Variants in RIPOR1 observed in about 807,000 individuals in gnomAD.
RIPOR1 encodes the protein RHO family interacting cell polarization regulator 1.
Under a neutral mutation model 116.5 loss-of-function variants are expected in RIPOR1, and 58 were observed. The observed-to-expected ratio is 0.50, with a 90% CI of 0.40 to 0.62. The LOEUF (loss-of-function observed/expected upper bound fraction) is 0.62. Among genes scored for constraint, RIPOR1 ranks in the 20% least tolerant of loss-of-function variants. The pLI is 0.00. For synonymous variants in RIPOR1, 605 were observed against 650.0 expected (o/e 0.93, Z 1.05); for missense variants, 1,372 against 1,586.2 (o/e 0.86, Z 2.29).
chr16:67,528,738 C>A (rs919932518), upstream of RIPOR1: 17 of 104,912 alleles, frequency 1.6e-4, no homozygotes, highest in African/African-American at 7.3e-5. Flanking sequence ...TCTAGGGGTG[C>A]GGGAGCCGCG....
Position 67,540,135 on chromosome 16 carries a change from G to T in RIPOR1, c.497G>T (p.Gly166Val). Residue 166 changes from glycine (G) to valine (V), a missense_variant, in exon 7 of 22, where the codon GGG becomes GTG. Around this residue, in one of 3 missense-constraint regions of RIPOR1, gnomAD observed 202 missense variants for 295.9 expected, o/e 0.68. Coordinates refer to ENST00000042381, the MANE Select transcript of RIPOR1 (RefSeq NM_024519.4). The surrounding 1 kb of genome is among the most constrained non-coding windows in gnomAD (Gnocchi z 4.7). Reference protein sequence around the residue: ...AYNMVRAYTTGSPGSREARDS... With the variant: ...AYNMVRAYTTVSPGSREARDS... ...AACATGGTCCGTGCCTACACCACTGGGTCCCCGGGAAGCCGAGAGGCCCGG... is the reference window on the plus strand; with the variant it reads ...AACATGGTCCGTGCCTACACCACTGTGTCCCCGGGAAGCCGAGAGGCCCGG... The T allele has an allele frequency of 1.2e-6, 2 of 1,614,190 alleles. No individual in the cohort carries two copies. Among genetic ancestry groups the T allele is most frequent in the Non-Finnish European group, 1.7e-6 (2 of 1,180,030 alleles).
Position 67,537,904 on chromosome 16 carries a change from GCGGGCGACAAACC to G in RIPOR1, c.-23-517_-23-505del, listed in dbSNP as rs1176870854. 6.6e-6 allele frequency among the ~76,000 whole-genome samples: 1 copy of G among 151,852 alleles called. No individual in the cohort carries two copies. Among genetic ancestry groups the G allele is most frequent in the Non-Finnish European group, 1.5e-5 (1 of 67,922 alleles). On this transcript the variant is annotated intron_variant, in intron 1 of 21. Coordinates refer to ENST00000042381, the MANE Select transcript of RIPOR1 (RefSeq NM_024519.4). The surrounding 1 kb of genome is among the most constrained non-coding windows in gnomAD (Gnocchi z 4.6). ...AGCAGGTCACGCTGGCAGGCGGGGG[GCGGGCGACAAACC>G]CGCACCGGCTGGGCCTGTCGGGCAG...
rs2051016174 is a variant in RIPOR1 at position 67,542,434 on chromosome 16, G to A, written c.1648G>A (p.Gly550Ser). ...ELPGPTHTTT[G>S]STYSAITTTH... ...GCCAGGCCCCACTCACACCACTACA[G>A]GCTCTACCTATAGTGCCATTACCAC... is the stretch of plus-strand genomic sequence containing the variant. Residue 550 changes from glycine to serine, a missense_variant, in exon 13 of 22, where the codon GGC becomes AGC. Gly to Ser is a moderately conservative substitution (Grantham distance 56). Transcript: ENST00000042381. This position sits in a 1 kb window ranked among gnomAD's most constrained non-coding sequence, Gnocchi z 4.6. 1.2e-6 allele frequency: 2 copies of A among 1,613,620 alleles called. No individual in the cohort carries two copies. The highest frequency in any genetic ancestry group is 1.3e-5 in the African/African-American group (1 of 74,736).
Position 67,543,837 on chromosome 16 carries a change from C to G in RIPOR1, c.2600+368C>G, listed in dbSNP as rs2051079208. The stretch of plus-strand genomic sequence containing the variant: ...GCTCTCTCAGTGTCTCGCCGTGCAC[C>G]CTGGGACCCCAGCACTGCCCCACTC... On this transcript the variant is annotated intron_variant, in intron 14 of 21. Coordinates refer to ENST00000042381, the MANE Select transcript of RIPOR1 (RefSeq NM_024519.4). The surrounding 1 kb of genome is among the most constrained non-coding windows in gnomAD (Gnocchi z 4.7). 5.3e-6 allele frequency: 2 copies of G among 376,032 alleles called. No individual in the cohort carries two copies. The allele number at this position is 376,032 out of a possible 1,614,324, so 23.3% of individuals were successfully genotyped here. A position where few individuals can be genotyped will look rare whatever the true frequency, so the allele number is the denominator to read the frequency against.
chr16:67,539,931 G>A (rs1482997423), intron 6 of RIPOR1, 32 bp downstream of exon 6: 1 of 1,614,090 alleles, frequency 6.2e-7, no homozygotes, highest in Non-Finnish European at 8.5e-7. Flanking sequence ...AGAGTGGGGT[G>A]GGGGGTTGGA....
Position 67,530,334 on chromosome 16 carries a change from C to T in RIPOR1, c.-24+1420C>T, listed in dbSNP as rs1007816332. Reference sequence around the variant, plus strand: ...GCCGGCAGGAAGTGAGGCCACCCGACAGCCTCCGCCCGGTTCCGGGGTGGG... The same window carrying T: ...GCCGGCAGGAAGTGAGGCCACCCGATAGCCTCCGCCCGGTTCCGGGGTGGG... On this transcript the variant is annotated intron_variant, in intron 1 of 21. Coordinates refer to ENST00000042381, the MANE Select transcript of RIPOR1 (RefSeq NM_024519.4). The surrounding 1 kb of genome is among the most constrained non-coding windows in gnomAD (Gnocchi z 4.5). Among the ~76,000 whole-genome samples the T allele has an allele frequency of 6.6e-6, 1 of 152,224 alleles. No individual in the cohort carries two copies. Among genetic ancestry groups the T allele is most frequent in the African/African-American group, 2.4e-5 (1 of 41,464 alleles).
intron 1 of RIPOR1, among the ~76,000 whole-genome samples, chr16:67,534,056 G>GTGATCC: frequency 6.8e-6 from 1 of 147,774 alleles, no homozygotes; most frequent in East Asian, 2.0e-4. Context: ...CTTACTTCAG[G>GTGATCC]TGATCCACCT....
intron 4 of RIPOR1, 92 bp from the exon 5 acceptor site, chr16:67,539,636 G>A: frequency 2.1e-6 from 3 of 1,456,266 alleles, no homozygotes; most frequent in Non-Finnish European, 2.9e-6. Context: ...GGACTGTGGT[G>A]TGAGAAAGGG....
At chr16:67,539,811 G>A (rs2050917830) in intron 5 of RIPOR1, 35 bp from the exon 6 acceptor site, 4 of 1,614,176 alleles carry the variant, frequency 2.5e-6, no homozygotes, top group Non-Finnish European at 3.4e-6. Context: ...AAGGACCCTG[G>A]GCCTCAGGCC....
intron 1 of RIPOR1, among the ~76,000 whole-genome samples, chr16:67,534,756 T>A (rs1479519733): frequency 2.0e-5 from 3 of 152,150 alleles, no homozygotes; most frequent in Non-Finnish European, 4.4e-5. Flanking sequence ...TCACTGTATA[T>A]TTTTCATTCT....
chr16:67,540,840 T>TG lies in RIPOR1; in HGVS notation c.801+137dup, dbSNP rs1426362464. On this transcript the variant is annotated intron_variant, in intron 10 of 21. Transcript: ENST00000042381. This position sits in a 1 kb window ranked among gnomAD's most constrained non-coding sequence, Gnocchi z 4.7. ...TGAAGATATGATTCCATGACCTTCA[T>TG]GATCTCTGTGGCCCTGAGAGGAACA... 1 of 962,750 alleles carries TG rather than the reference T, an allele frequency of 1.0e-6. No homozygotes were observed. Among genetic ancestry groups the TG allele is most frequent in the East Asian group, 2.4e-5 (1 of 40,988 alleles). The allele number at this position is 962,750 out of a possible 1,614,324, so 59.6% of individuals were successfully genotyped here.
chr16:67,526,711 G>A (rs2050542659), upstream of RIPOR1, among the ~76,000 whole-genome samples: 1 of 152,224 alleles, frequency 6.6e-6, no homozygotes, highest in African/African-American at 2.4e-5. Context: ...CACACATGGT[G>A]TGCACACTGC....
chr16:67,543,397 T>G lies in RIPOR1; in HGVS notation c.2528T>G (p.Val843Gly). ...RSRASSLSIT[V>G]EHALESFSFL... is the part of the protein sequence containing the mutation. Reference sequence around the variant, plus strand: ...CGGGCCTCCAGTCTCAGCATCACTGTGGAGCATGCCTTGGAGAGCTTCAGC... The same window carrying G: ...CGGGCCTCCAGTCTCAGCATCACTGGGGAGCATGCCTTGGAGAGCTTCAGC... The change falls in exon 14 of 22, where the codon GTG becomes GGG. Residue 843 changes from valine (V) to glycine (G), a missense_variant. This residue lies in a region of RIPOR1 where 1,005 missense variants were observed against 1,144.7 expected (regional missense o/e 0.88). Transcript: ENST00000042381. The surrounding 1 kb of genome is among the most constrained non-coding windows in gnomAD (Gnocchi z 4.7). 6.3e-7 allele frequency: 1 copy of G among 1,591,526 alleles called. No individual in the cohort carries two copies. The highest frequency in any genetic ancestry group is 8.6e-7 in the Non-Finnish European group (1 of 1,168,642).
chr16:67,524,064 CA>C (rs1162626113), upstream of RIPOR1, among the ~76,000 whole-genome samples: 4 of 150,370 alleles, frequency 2.7e-5, no homozygotes, highest in East Asian at 3.9e-4. Flanking sequence ...CAGAGGCAAA[CA>C]AAAAAAAATA....
chr16:67,540,059 G>A lies in RIPOR1; in HGVS notation c.421G>A (p.Glu141Lys). Residue 141 changes from glutamate (E) to lysine (K), a missense_variant, in exon 7 of 22, where the codon GAG becomes AAG. By Grantham distance (56) the Glu-to-Lys change is moderately conservative (BLOSUM62 1). Transcript: ENST00000042381. This position sits in a 1 kb window ranked among gnomAD's most constrained non-coding sequence, Gnocchi z 4.7. ...RLEFHASKID[E>K]LYEAYCVQRR... ...ACCCCACTCACCTTCCCAGATCGAT[G>A]AGCTGTATGAGGCATACTGTGTCCA... 6.2e-7 allele frequency: 1 copy of A among 1,614,192 alleles called. No homozygotes were observed. Among genetic ancestry groups the A allele is most frequent in the Non-Finnish European group, 8.5e-7 (1 of 1,180,026 alleles).
At position 67,542,639 on chromosome 16, in the gene RIPOR1, C is replaced by T. The variant is rs766501645; in HGVS notation, c.1853C>T (p.Thr618Ile). 43 of 1,613,490 alleles carry T rather than the reference C, an allele frequency of 2.7e-5. No homozygotes were observed. In the South Asian group the frequency reaches 4.6e-4, roughly 17 times the overall value. The part of the protein sequence containing the change: ...PTHTTASPTH[T>I]STSPTHTPTS... ...CATACCACAGCAAGCCCCACTCATA[C>T]TTCCACAAGCCCCACCCATACCCCC... Residue 618 changes from threonine (T) to isoleucine (I), a missense_variant, in exon 13 of 22, where the codon ACT becomes ATT. Transcript: ENST00000042381. This position sits in a 1 kb window ranked among gnomAD's most constrained non-coding sequence, Gnocchi z 4.6.
Position 67,546,090 on chromosome 16 carries a change from A to G in RIPOR1, c.3472-51A>G, listed in dbSNP as rs757269579. On this transcript the variant is annotated intron_variant, in intron 20 of 21. Coordinates refer to ENST00000042381, the MANE Select transcript of RIPOR1 (RefSeq NM_024519.4). ...CGCTTCCGGCACCCCCACCCCTGAA[A>G]CCCTCCCATCTGCTCCCCTGAGCCC... The G allele has an allele frequency of 1.9e-6, 3 of 1,606,870 alleles. No homozygotes were observed. In the East Asian group the frequency reaches 6.7e-5, roughly 36 times the overall value.
In RIPOR1 at chr16:67,538,470, G is replaced by T. The variant is rs772536081; in HGVS notation, c.24G>T (p.Pro8=). The T allele has an allele frequency of 8.1e-6, 13 of 1,609,596 alleles. No homozygotes were observed. Among genetic ancestry groups the T allele is most frequent in the Non-Finnish European group, 1.1e-5 (13 of 1,178,374 alleles). MMSLSVR[P]QRRLLSARVN... is the part of the protein sequence containing the mutation. The stretch of plus-strand genomic sequence containing the variant: ...CTATGATGTCCCTGTCGGTGCGGCC[G>T]CAGCGCCGTCTGCTCAGCGCCCGGG... Residue 8 remains proline, a synonymous_variant, in exon 2 of 22, where the codon CCG becomes CCT. Coordinates refer to ENST00000042381, the MANE Select transcript of RIPOR1 (RefSeq NM_024519.4).
rs764407865 is a variant in RIPOR1 at position 67,542,746 on chromosome 16, GCCACAAGTCCCACCCATCCTA to G, written c.1968_1988del (p.Thr665_Pro671del). ...CAGTGGTATGGGCCTAGTCCAGACT[GCCACAAGTCCCACCCATCCTA>G]CCACAAGCCCCACCCATCCCACCAC... is the stretch of plus-strand genomic sequence containing the variant. On this transcript the variant is annotated inframe_deletion, in exon 13 of 22. Transcript: ENST00000042381. The surrounding 1 kb of genome is among the most constrained non-coding windows in gnomAD (Gnocchi z 4.6). The G allele has an allele frequency of 1.3e-5, 21 of 1,611,206 alleles. No individual in the cohort carries two copies. The highest frequency in any genetic ancestry group is 1.1e-4 in the African/African-American group (8 of 73,868).
Sources: allele counts gnomAD v4.1 joint callset (sites outside exome capture counted in the v4.1 genomes callset), GRCh38; gene constraint gnomAD v4.1.1; regional missense constraint gnomAD v4.1.1; non-coding constraint Gnocchi (gnomAD v3.1); transcripts MANE v1.5; gene names NCBI Gene and HGNC (gene_info 2026-07-23, HGNC 2026-07-21).